Variants in MB21D2 observed in about 807,000 individuals in gnomAD.
MB21D2 encodes Mab-21 domain containing 2.
A neutral mutation model predicts 33.3 loss-of-function variants in MB21D2; 9 were observed. That is an observed-to-expected ratio of 0.27 (90% confidence interval 0.16 to 0.47). The LOEUF (loss-of-function observed/expected upper bound fraction) is 0.47, where lower values mean the gene tolerates loss of function less well. MB21D2 is among the 20% of genes least tolerant of loss of function. MB21D2 has a pLI of 0.99. For synonymous variants in MB21D2, 241 were observed against 236.3 expected (o/e 1.02, Z -0.18); for missense variants, 540 against 624.6 (o/e 0.86, Z 1.44).
chr3:192,889,504 A>C (rs1390840087), intron 1 of MB21D2, among the ~76,000 whole-genome samples: 1 of 152,062 alleles, frequency 6.6e-6, no homozygotes. Context: ...AAAAAGTCTT[A>C]TTGTACCTAG....
chr3:192,834,809 C>CTTTTTTTTTTT (rs71177378), intron 1 of MB21D2, among the ~76,000 whole-genome samples: 1 of 119,882 alleles, frequency 8.3e-6, no homozygotes, highest in African/African-American at 3.3e-5. Context: ...GAGGATTGTT[C>CTTTTTTTTTTT]TTTTTTTTTT....
At chr3:192,806,236 A>C (rs912285350) in intron 1 of MB21D2, among the ~76,000 whole-genome samples, 2 of 152,190 alleles carry the variant, frequency 1.3e-5, no homozygotes, top group Non-Finnish European at 1.5e-5. Flanking sequence ...GGCTGTGTTC[A>C]TGGTGTATCT....
intron 1 of MB21D2, among the ~76,000 whole-genome samples, chr3:192,884,385 G>C (rs1235990117): frequency 2.0e-5 from 3 of 151,812 alleles, no homozygotes; most frequent in Non-Finnish European, 4.4e-5. Flanking sequence ...TGTTGTTGTT[G>C]AGACGGAGTC....
intron 1 of MB21D2, among the ~76,000 whole-genome samples, chr3:192,874,545 T>C (rs977495795): frequency 6.6e-6 from 1 of 152,218 alleles, no homozygotes; most frequent in Non-Finnish European, 1.5e-5. Context: ...TATTATCCTG[T>C]ATGTATAGTT....
At chr3:192,880,951 G>A (rs1005489503) in intron 1 of MB21D2, among the ~76,000 whole-genome samples, 9 of 151,884 alleles carry the variant, frequency 5.9e-5, no homozygotes, top group Non-Finnish European at 1.2e-4. Context: ...CCCACTTACT[G>A]AAAATTATAA....
intron 1 of MB21D2, among the ~76,000 whole-genome samples, chr3:192,814,390 A>T (rs1392687551): frequency 6.6e-6 from 1 of 152,218 alleles, no homozygotes; most frequent in Non-Finnish European, 1.5e-5. Context: ...TGTTTTCAGT[A>T]TCTGGGTAAA....
intron 1 of MB21D2, among the ~76,000 whole-genome samples, chr3:192,915,831 C>T (rs76457483): frequency 0.011 from 1,623 of 152,202 alleles, 35 homozygotes; most frequent in African/African-American, 0.037. Context: ...TTTCCTGACC[C>T]ATGACTACCC....
At chr3:192,887,091 G>A (rs569564227) in intron 1 of MB21D2, among the ~76,000 whole-genome samples, 248 of 152,174 alleles carry the variant, frequency 1.6e-3, no homozygotes, top group Non-Finnish European at 2.8e-3. Flanking sequence ...CAAATTCTTC[G>A]GTTTCTTTGT....
At chr3:192,800,350 G>C (rs1370843734) in intron 1 of MB21D2, among the ~76,000 whole-genome samples, 2 of 152,224 alleles carry the variant, frequency 1.3e-5, no homozygotes, top group East Asian at 3.9e-4. Context: ...CAAGTGCTGG[G>C]ATTACAGGCA....
chr3:192,834,682 G>C (rs1430512128), intron 1 of MB21D2, among the ~76,000 whole-genome samples: 1 of 152,124 alleles, frequency 6.6e-6, no homozygotes, highest in African/African-American at 2.4e-5. Flanking sequence ...TCTACCGTGA[G>C]AGCAAGACAA....
At chr3:192,859,588 C>A (rs1256760226) in intron 1 of MB21D2, among the ~76,000 whole-genome samples, 1 of 152,028 alleles carries the variant, frequency 6.6e-6, no homozygotes, top group Non-Finnish European at 1.5e-5. Flanking sequence ...GGGCTCTGAG[C>A]AATGATCTGT....
At chr3:192,853,083 G>A (rs1712842880) in intron 1 of MB21D2, among the ~76,000 whole-genome samples, 1 of 149,820 alleles carries the variant, frequency 6.7e-6, no homozygotes, top group Non-Finnish European at 1.5e-5. Context: ...TTTTTACCTG[G>A]TTTATATTCA....
intron 1 of MB21D2, among the ~76,000 whole-genome samples, chr3:192,881,019 A>T (rs1367472300): frequency 6.6e-6 from 1 of 152,074 alleles, no homozygotes; most frequent in African/African-American, 2.4e-5. Flanking sequence ...ATACATATAG[A>T]TGTATGTATT....
At chr3:192,841,736 G>A (rs1001868359) in intron 1 of MB21D2, among the ~76,000 whole-genome samples, 2 of 152,248 alleles carry the variant, frequency 1.3e-5, no homozygotes, top group Admixed American at 6.5e-5. Flanking sequence ...GTTTTACAGT[G>A]TGGAGTAATC....
At chr3:192,857,922 C>G (rs899013862) in intron 1 of MB21D2, among the ~76,000 whole-genome samples, 1 of 152,040 alleles carries the variant, frequency 6.6e-6, no homozygotes, top group Non-Finnish European at 1.5e-5. Context: ...GTTGGGAGTT[C>G]GAGACCAGCC....
intron 1 of MB21D2, among the ~76,000 whole-genome samples, chr3:192,801,154 T>C (rs1711555201): frequency 6.6e-6 from 1 of 152,194 alleles, no homozygotes; most frequent in African/African-American, 2.4e-5. Context: ...AATAGGTAGA[T>C]AGCATTAATA....
At chr3:192,878,081 C>A (rs1352775930) in intron 1 of MB21D2, among the ~76,000 whole-genome samples, 1 of 119,500 alleles carries the variant, frequency 8.4e-6, no homozygotes. Context: ...AATTCCTCCT[C>A]TTTTTTTTTT....
intron 1 of MB21D2, among the ~76,000 whole-genome samples, chr3:192,810,900 C>T (rs1711775533): frequency 2.0e-5 from 3 of 152,008 alleles, no homozygotes; most frequent in Admixed American, 1.3e-4. Context: ...TGTGTGTGTG[C>T]GCACGCACAT....
At chr3:192,850,680 C>CT (rs1712781229) in intron 1 of MB21D2, among the ~76,000 whole-genome samples, 1 of 152,198 alleles carries the variant, frequency 6.6e-6, no homozygotes, top group African/African-American at 2.4e-5. Flanking sequence ...TGTCAGTGGA[C>CT]TGGGAGCCCC....
Sources: gnomAD v4.1 joint callset for allele counts (sites outside exome capture counted in the v4.1 genomes callset) on GRCh38, gnomAD v4.1.1 for gene constraint, MANE v1.5 for transcripts, NCBI Gene and HGNC (gene_info 2026-07-23, HGNC 2026-07-21) for gene names.